DOCK5: variants seen among roughly 807,000 people sequenced by gnomAD.
DOCK5 encodes dedicator of cytokinesis protein 5.
DOCK5 carries 142 observed loss-of-function variants against 251.8 expected under a neutral mutation model. That is an observed-to-expected ratio of 0.56 (90% confidence interval 0.49 to 0.65). The LOEUF (loss-of-function observed/expected upper bound fraction) is 0.65, where lower values mean the gene tolerates loss of function less well. DOCK5 is among the 30% of genes least tolerant of loss of function. DOCK5 has a pLI of 0.00. For synonymous variants in DOCK5, 842 were observed against 835.5 expected (o/e 1.01, Z -0.13); for missense variants, 2,111 against 2,312.3 (o/e 0.91, Z 1.79).
In DOCK5 at chr8:25,341,780, C is replaced by T. The variant is rs755641045; in HGVS notation, c.2481C>T (p.Val827=). The change falls in exon 24 of 52, where the codon GTC becomes GTT. Residue 827 remains valine (V), a synonymous_variant. Coordinates refer to ENST00000276440, the MANE Select transcript of DOCK5 (RefSeq NM_024940.8). ...ACCTTCCTAGCATAATTAATGATGT[C>T]AAACTTGTATTTGATCCTGTTGAGC... is the stretch of plus-strand genomic sequence containing the variant. ...LKYLPSIIND[V]KLVFDPVELS... The T allele has an allele frequency of 7.0e-5, 110 of 1,575,828 alleles. No homozygotes were observed. Among genetic ancestry groups the T allele is most frequent in the Non-Finnish European group, 9.2e-5 (107 of 1,158,986 alleles).
chr8:25,299,183 C>A, intron 8 of DOCK5, 82 bp downstream of exon 8: 1 of 1,480,056 alleles, frequency 6.8e-7, no homozygotes, highest in Non-Finnish European at 9.1e-7. Context: ...CAGCTCTTTG[C>A]CAGATTTGAG....
intron 11 of DOCK5, among the ~76,000 whole-genome samples, chr8:25,306,069 A>G (rs1207678901): frequency 6.6e-6 from 1 of 152,216 alleles, no homozygotes; most frequent in African/African-American, 2.4e-5. Flanking sequence ...TCTTTTATCC[A>G]GAGGCTGCTA....
chr8:25,333,016 G>T (rs1314444981), intron 20 of DOCK5, among the ~76,000 whole-genome samples: 1 of 152,184 alleles, frequency 6.6e-6, no homozygotes, highest in Non-Finnish European at 1.5e-5. Flanking sequence ...TGTTGGATTT[G>T]TGTGTGCACT....
intron 40 of DOCK5, among the ~76,000 whole-genome samples, chr8:25,388,636 G>A (rs1268558769): frequency 6.6e-6 from 1 of 152,232 alleles, no homozygotes; most frequent in East Asian, 1.9e-4. Flanking sequence ...TGCTGTTTAA[G>A]TGGTGGTCCA....
At position 25,340,868 on chromosome 8, in the gene DOCK5, C is replaced by T. The variant is rs1805937415; in HGVS notation, c.2328-9C>T. ...AAAGTCCAACTGCTTTTGTCTTTTT[C>T]CTATTAAGATTTTATGGGCAGAGCA... On this transcript the variant is annotated splice_polypyrimidine_tract_variant and intron_variant, in intron 22 of 51. Transcript: ENST00000276440. 2 of 1,608,564 alleles carry T rather than the reference C, an allele frequency of 1.2e-6. No homozygotes were observed. The highest frequency in any genetic ancestry group is 1.7e-5 in the Admixed American group (1 of 59,270).
At chr8:25,263,903 C>G (rs887924989) in intron 2 of DOCK5, among the ~76,000 whole-genome samples, 1 of 151,922 alleles carries the variant, frequency 6.6e-6, no homozygotes, top group Non-Finnish European at 1.5e-5. Flanking sequence ...CTGATTCTGT[C>G]CTGATTCCCA....
At chr8:25,191,137 A>G (rs548677782) in intron 1 of DOCK5, among the ~76,000 whole-genome samples, 12 of 152,162 alleles carry the variant, frequency 7.9e-5, no homozygotes, top group East Asian at 3.9e-4. Context: ...TTCCAGGGAC[A>G]TGTGGGGTCT....
chr8:25,392,418 A>G (rs1801277537), intron 43 of DOCK5, among the ~76,000 whole-genome samples: 1 of 152,128 alleles, frequency 6.6e-6, no homozygotes. Flanking sequence ...TTCACCTGCT[A>G]ATTACCTAGA....
At chr8:25,321,424 A>G (rs190898730) in intron 16 of DOCK5, among the ~76,000 whole-genome samples, 21 of 152,060 alleles carry the variant, frequency 1.4e-4, no homozygotes, top group Admixed American at 1.2e-3. Flanking sequence ...TATTCTTATT[A>G]CATTGTAATA....
chr8:25,408,240 A>C, intron 49 of DOCK5, 86 bp downstream of exon 49: 2 of 1,390,126 alleles, frequency 1.4e-6, no homozygotes, highest in Non-Finnish European at 1.9e-6. Flanking sequence ...CCCCTCCCAG[A>C]TTGAAGCTGG....
At chr8:25,343,845 G>T (rs771864555) in intron 25 of DOCK5, among the ~76,000 whole-genome samples, 1 of 152,078 alleles carries the variant, frequency 6.6e-6, no homozygotes, top group Non-Finnish European at 1.5e-5. Context: ...TCACTCTTTC[G>T]CCCAGGCTGG....
intron 1 of DOCK5, among the ~76,000 whole-genome samples, chr8:25,187,466 C>A (rs567362695): frequency 6.6e-6 from 1 of 151,328 alleles, no homozygotes; most frequent in African/African-American, 2.4e-5. Flanking sequence ...ATTCTGAACA[C>A]TTATTTCACC....
chr8:25,239,742 C>T (rs765724846), intron 1 of DOCK5, among the ~76,000 whole-genome samples: 3 of 152,172 alleles, frequency 2.0e-5, no homozygotes, highest in Non-Finnish European at 4.4e-5. Context: ...ACTCCTACTT[C>T]TGAATCGCGT....
At chr8:25,226,769 T>A (rs1339189025) in intron 1 of DOCK5, among the ~76,000 whole-genome samples, 1 of 151,990 alleles carries the variant, frequency 6.6e-6, no homozygotes, top group Non-Finnish European at 1.5e-5. Context: ...GTATTTTTAG[T>A]AGAAACGGGG....
chr8:25,308,349 A>G (rs967671296), intron 11 of DOCK5, among the ~76,000 whole-genome samples: 4 of 152,090 alleles, frequency 2.6e-5, no homozygotes, highest in African/African-American at 9.7e-5. Flanking sequence ...CAGGCATGCG[A>G]TCCCAGCCCA....
At chr8:25,395,861 A>G in intron 45 of DOCK5, 142 bp downstream of exon 45, 2 of 1,030,690 alleles carry the variant, frequency 1.9e-6, no homozygotes, top group South Asian at 1.4e-5. Flanking sequence ...AGTGAAGTGA[A>G]TGAAACGATT....
chr8:25,232,398 G>A (rs1802688779), intron 1 of DOCK5, among the ~76,000 whole-genome samples: 1 of 152,236 alleles, frequency 6.6e-6, no homozygotes, highest in South Asian at 2.1e-4. Flanking sequence ...TCTGGGGCCA[G>A]TTTGGCTACA....
chr8:25,235,389 T>C (rs1483769111), intron 1 of DOCK5, among the ~76,000 whole-genome samples: 1 of 152,072 alleles, frequency 6.6e-6, no homozygotes, highest in African/African-American at 2.4e-5. Context: ...CCCTCTCGGG[T>C]AGCTAGGACC....
intron 1 of DOCK5, among the ~76,000 whole-genome samples, chr8:25,189,141 C>G (rs1397122727): frequency 6.6e-6 from 1 of 150,870 alleles, no homozygotes; most frequent in Admixed American, 6.6e-5. Flanking sequence ...CCATCTCAGC[C>G]TTCCAAGTTG....
Sources: gnomAD v4.1 joint callset for allele counts (sites outside exome capture counted in the v4.1 genomes callset) on GRCh38, gnomAD v4.1.1 for gene constraint, MANE v1.5 for transcripts, NCBI Gene and HGNC (gene_info 2026-07-23, HGNC 2026-07-21) for gene names.